The following KDM4B variants were observed in gnomAD, a reference collection of about 807,000 sequenced individuals.
KDM4B encodes lysine demethylase 4B.
A neutral mutation model predicts 125.2 loss-of-function variants in KDM4B; 32 were observed. The observed-to-expected ratio is 0.26, with a 90% confidence interval of 0.19 to 0.34. The LOEUF (loss-of-function observed/expected upper bound fraction) is 0.34, where lower values mean the gene tolerates loss of function less well. KDM4B is among the 10% of genes least tolerant of loss of function. The probability of loss-of-function intolerance (pLI) is 1.00; values close to 1 mark genes in which losing one functional copy is unlikely to be tolerated. For synonymous variants in KDM4B, 721 were observed against 677.9 expected (o/e 1.06, Z -0.99); for missense variants, 1,190 against 1,577.7 (o/e 0.75, Z 4.16).
intron 9 of KDM4B, among the ~76,000 whole-genome samples, chr19:5,090,401 T>TCTCTCTCCCCCTCTCCCC (rs2038657636): frequency 3.7e-5 from 1 of 27,228 alleles, no homozygotes; most frequent in Non-Finnish European, 6.3e-5. Context: ...CCCCTCTCTC[T>TCTCTCTCCCCCTCTCCCC]CTCTCTCCCC....
chr19:5,050,137 A>G (rs952709320), intron 6 of KDM4B, among the ~76,000 whole-genome samples: 8 of 152,236 alleles, frequency 5.3e-5, no homozygotes, highest in Non-Finnish European at 1.0e-4. Context: ...ATTTCAGAGT[A>G]TTCCAGTGGG....
At chr19:5,138,157 G>A (rs1292401979) in intron 18 of KDM4B, 87 bp downstream of exon 18, 1 of 1,016,922 alleles carries the variant, frequency 9.8e-7, no homozygotes, top group East Asian at 2.6e-5. Flanking sequence ...ATCTGAAGCG[G>A]TCTTTCCTCC....
At chr19:5,127,970 C>T (rs899996337) in intron 11 of KDM4B, among the ~76,000 whole-genome samples, 2 of 152,190 alleles carry the variant, frequency 1.3e-5, no homozygotes, top group Non-Finnish European at 2.9e-5. Context: ...GAGGACAGCC[C>T]GGCTCTGTGT....
chr19:5,132,052 C>T (rs751625407), intron 13 of KDM4B, 45 bp downstream of exon 13: 37 of 1,528,628 alleles, frequency 2.4e-5, no homozygotes, highest in Non-Finnish European at 3.1e-5. Flanking sequence ...CCCTGCTCCG[C>T]GCTCTGCTGC....
intron 3 of KDM4B, among the ~76,000 whole-genome samples, chr19:5,034,763 C>T (rs2036565419): frequency 6.6e-6 from 1 of 152,224 alleles, no homozygotes. Context: ...TTCTTTGTCT[C>T]TGAGCTGTAG....
rs1361995606 is a variant in KDM4B, at chr19:5,151,965, C to T, written c.*454C>T. ...ATTTGTGGCTTTAAGAAAAACAAAACAAAACAAACACATTGTTTTTCTCAG... is the reference window on the plus strand; with the variant it reads ...ATTTGTGGCTTTAAGAAAAACAAAATAAAACAAACACATTGTTTTTCTCAG... On this transcript the variant is annotated 3_prime_UTR_variant, in exon 23 of 23. Transcript: ENST00000159111. 6.4e-6 allele frequency: 1 copy of T among 156,358 alleles called. No homozygotes were observed. Among genetic ancestry groups the T allele is most frequent in the Non-Finnish European group, 1.4e-5 (1 of 70,994 alleles). 9.7% of individuals were successfully genotyped at this position (156,358 alleles called of 1,614,324 possible).
At chr19:5,068,631 C>T (rs915384160) in intron 6 of KDM4B, among the ~76,000 whole-genome samples, 2 of 152,244 alleles carry the variant, frequency 1.3e-5, no homozygotes, top group Non-Finnish European at 2.9e-5. Context: ...TTCTGGTCCC[C>T]GAGGCCGTCG....
At chr19:5,024,859 A>G (rs2036230520) in intron 2 of KDM4B, among the ~76,000 whole-genome samples, 1 of 152,136 alleles carries the variant, frequency 6.6e-6, no homozygotes, top group Admixed American at 6.5e-5. Flanking sequence ...CAAGCAGGAG[A>G]ATTGCTTGAA....
At chr19:4,989,187 C>T (rs967814513) in intron 1 of KDM4B, among the ~76,000 whole-genome samples, 1 of 152,112 alleles carries the variant, frequency 6.6e-6, no homozygotes, top group African/African-American at 2.4e-5. Context: ...TGTGAAGGGC[C>T]CTGTGGCCTG....
chr19:5,054,379 C>G (rs1009604176), intron 6 of KDM4B, among the ~76,000 whole-genome samples: 3 of 152,218 alleles, frequency 2.0e-5, no homozygotes, highest in African/African-American at 7.2e-5. Context: ...AACCCTTTCC[C>G]AGTTTTAAAA....
chr19:5,013,382 T>C (rs2035789551), intron 1 of KDM4B, among the ~76,000 whole-genome samples: 1 of 152,144 alleles, frequency 6.6e-6, no homozygotes, highest in Non-Finnish European at 1.5e-5. Context: ...TTGTCTCCGC[T>C]GAAGTCAGGG....
chr19:5,033,134 GCACGT>G, intron 3 of KDM4B, 103 bp downstream of exon 3: 7 of 1,375,964 alleles, frequency 5.1e-6, no homozygotes, highest in Non-Finnish European at 7.0e-6. Flanking sequence ...CGTGGCCTGT[GCACGT>G]GGAATGTGTT....
chr19:5,050,816 T>C (rs759276054), intron 6 of KDM4B, among the ~76,000 whole-genome samples: 4 of 152,084 alleles, frequency 2.6e-5, no homozygotes, highest in Non-Finnish European at 5.9e-5. Flanking sequence ...AGGAGAATGG[T>C]GTGAACCCAG....
chr19:5,102,112 C>T (rs924536955), intron 9 of KDM4B, among the ~76,000 whole-genome samples: 4 of 152,132 alleles, frequency 2.6e-5, no homozygotes, highest in East Asian at 1.9e-4. Context: ...GCGTGGGGTG[C>T]GTGCCCGCCA....
intron 9 of KDM4B, among the ~76,000 whole-genome samples, chr19:5,107,502 G>C (rs1392347576): frequency 6.6e-6 from 1 of 152,174 alleles, no homozygotes; most frequent in Non-Finnish European, 1.5e-5. Flanking sequence ...AACAGTCAGG[G>C]GCCTGGCTAA....
At chr19:5,030,938 A>T (rs555042577) in intron 2 of KDM4B, among the ~76,000 whole-genome samples, 1 of 152,316 alleles carries the variant, frequency 6.6e-6, no homozygotes, top group Non-Finnish European at 1.5e-5. Context: ...AGGAGGCCTG[A>T]GGTGACCGCG....
chr19:5,084,331 A>G (rs992704844), intron 9 of KDM4B, among the ~76,000 whole-genome samples: 13 of 145,492 alleles, frequency 8.9e-5, no homozygotes, highest in Admixed American at 7.0e-4. Flanking sequence ...TATATTGTAT[A>G]TAATTTATAT....
chr19:5,104,730 CA>C (rs1259719880), intron 9 of KDM4B, among the ~76,000 whole-genome samples: 1 of 152,116 alleles, frequency 6.6e-6, no homozygotes, highest in Non-Finnish European at 1.5e-5. Context: ...AGAAAATGGA[CA>C]CCCTCACACC....
intron 12 of KDM4B, 123 bp downstream of exon 12, chr19:5,131,668 G>GGGC: frequency 1.5e-6 from 1 of 645,944 alleles, no homozygotes; most frequent in Non-Finnish European, 2.6e-6. Context: ...GGGACAGGAG[G>GGGC]GCTGACTGCT....
Sources: gnomAD v4.1 joint callset for allele counts (sites outside exome capture counted in the v4.1 genomes callset) on GRCh38, gnomAD v4.1.1 for gene constraint, MANE v1.5 for transcripts, NCBI Gene and HGNC (gene_info 2026-07-23, HGNC 2026-07-21) for gene names.